The following HECTD2 variants were observed in gnomAD, a reference collection of about 807,000 sequenced individuals.
HECTD2 encodes the protein HECT domain E3 ubiquitin protein ligase 2.
In HECTD2, 35 loss-of-function variants were observed where a neutral mutation model predicts 103.2. The ratio of observed to expected loss-of-function variants is 0.34; its 90% confidence interval spans 0.26 to 0.45. The LOEUF (loss-of-function observed/expected upper bound fraction) is 0.45, where lower values mean the gene tolerates loss of function less well. Ranked by LOEUF, HECTD2 falls within the 20% of genes least tolerant of loss-of-function variation. The pLI, the probability that HECTD2 is intolerant of heterozygous loss-of-function variation, is 1.00. For synonymous variants in HECTD2, 281 were observed against 329.9 expected, an observed-to-expected ratio of 0.85 and a Z score of 1.61; for missense variants, 596 against 937.4, an observed-to-expected ratio of 0.64 and a Z score of 4.76.
intron 20 of HECTD2, among the ~76,000 whole-genome samples, chr10:91,509,048 C>A (rs7074559): frequency 1.4e-5 from 2 of 147,902 alleles, no homozygotes; most frequent in Non-Finnish European, 3.0e-5. Flanking sequence ...ACCGCATATT[C>A]TCACTCATAG....
At chr10:91,462,252 A>G in intron 5 of HECTD2, 68 bp downstream of exon 5, 2 of 1,437,314 alleles carry the variant, frequency 1.4e-6, no homozygotes, top group South Asian at 3.0e-5. Context: ...AGCCATACAA[A>G]TATTGTAAAA....
At chr10:91,492,546 C>A in intron 13 of HECTD2, 62 bp downstream of exon 13, 2 of 1,256,366 alleles carry the variant, frequency 1.6e-6, no homozygotes, top group South Asian at 2.6e-5. Flanking sequence ...GTGAAGTAGT[C>A]ACCCTTATTT....
chr10:91,413,765 G>C (rs1358587629), intron 1 of HECTD2, among the ~76,000 whole-genome samples: 2 of 152,194 alleles, frequency 1.3e-5, no homozygotes, highest in East Asian at 3.8e-4. Flanking sequence ...AATCAGGCGT[G>C]GTGGGGAATT....
At chr10:91,481,187 C>T (rs1846075454) in intron 7 of HECTD2, 48 bp downstream of exon 7, 3 of 924,214 alleles carry the variant, frequency 3.2e-6, no homozygotes, top group Admixed American at 2.4e-5. Context: ...AGATCTCAAT[C>T]CCTACATGTG....
chr10:91,482,108 G>A (rs1031337873), intron 7 of HECTD2, among the ~76,000 whole-genome samples: 1 of 151,826 alleles, frequency 6.6e-6, no homozygotes, highest in Non-Finnish European at 1.5e-5. Context: ...GATTTTAGGT[G>A]AGTATATTGG....
At chr10:91,427,723 A>C (rs2133045770) in intron 2 of HECTD2, among the ~76,000 whole-genome samples, 1 of 151,858 alleles carries the variant, frequency 6.6e-6, no homozygotes, top group African/African-American at 2.4e-5. Context: ...AATTTGTTTG[A>C]GTTCATTGTA....
At chr10:91,453,373 G>C (rs888506115) in intron 2 of HECTD2, among the ~76,000 whole-genome samples, 2 of 152,150 alleles carry the variant, frequency 1.3e-5, no homozygotes, top group Admixed American at 1.3e-4. Flanking sequence ...TGAGGCTGCA[G>C]TTAGCTATGG....
chr10:91,414,435 A>G (rs945575508), intron 1 of HECTD2, among the ~76,000 whole-genome samples: 3 of 152,350 alleles, frequency 2.0e-5, no homozygotes, highest in African/African-American at 7.2e-5. Context: ...GTAACTACCA[A>G]TTATTGAACA....
intron 1 of HECTD2, among the ~76,000 whole-genome samples, chr10:91,418,230 G>A (rs1403657296): frequency 1.3e-5 from 2 of 151,926 alleles, no homozygotes; most frequent in Non-Finnish European, 2.9e-5. Context: ...AATTTTGACT[G>A]GATCAAATTG....
At chr10:91,506,797 C>G (rs1486594558) in intron 20 of HECTD2, among the ~76,000 whole-genome samples, 2 of 151,730 alleles carry the variant, frequency 1.3e-5, no homozygotes, top group Non-Finnish European at 2.9e-5. Context: ...ATTCTGATAC[C>G]AAAGCCGGGC....
At chr10:91,502,427 G>C (rs1274591901) in intron 20 of HECTD2, among the ~76,000 whole-genome samples, 1 of 152,286 alleles carries the variant, frequency 6.6e-6, no homozygotes, top group South Asian at 2.1e-4. Flanking sequence ...TCTTGTAGAA[G>C]TTATGTGCTA....
At chr10:91,419,740 G>A (rs1314620490) in intron 1 of HECTD2, among the ~76,000 whole-genome samples, 1 of 151,996 alleles carries the variant, frequency 6.6e-6, no homozygotes, top group Non-Finnish European at 1.5e-5. Context: ...TTTTCCCTGT[G>A]TTCTCTATTT....
chr10:91,454,683 T>G (rs1445328219), intron 2 of HECTD2, among the ~76,000 whole-genome samples: 1 of 152,084 alleles, frequency 6.6e-6, no homozygotes, highest in Admixed American at 6.6e-5. Context: ...ACTCGTCATT[T>G]ACATTAGGTA....
intron 5 of HECTD2, among the ~76,000 whole-genome samples, chr10:91,472,052 C>T (rs1663770863): frequency 1.3e-5 from 2 of 152,160 alleles, no homozygotes. Flanking sequence ...CATTACCTGG[C>T]TTCAAACTAT....
chr10:91,499,022 G>T, intron 17 of HECTD2, 22 bp from the exon 18 acceptor site: 1 of 1,561,828 alleles, frequency 6.4e-7, no homozygotes, highest in Non-Finnish European at 8.8e-7. Flanking sequence ...TACTATTTAA[G>T]AGATGTAAAA....
intron 6 of HECTD2, among the ~76,000 whole-genome samples, chr10:91,479,177 T>G (rs898120758): frequency 6.6e-6 from 1 of 152,172 alleles, no homozygotes; most frequent in Non-Finnish European, 1.5e-5. Flanking sequence ...ATCATGCCAC[T>G]GCACTCCAGC....
intron 2 of HECTD2, among the ~76,000 whole-genome samples, chr10:91,440,210 C>T (rs375802162): frequency 3.9e-4 from 60 of 152,098 alleles, no homozygotes; most frequent in South Asian, 3.7e-3. Flanking sequence ...ATATTAGCTG[C>T]GGCTTTGTCA....
intron 11 of HECTD2, chr10:91,489,633 A>T (rs1473270422): frequency 3.3e-5 from 5 of 152,190 alleles, no homozygotes; most frequent in Non-Finnish European, 7.4e-5. Context: ...TAGACTGGGA[A>T]CAGAAGATAG....
chr10:91,467,313 G>T (rs1390064047), intron 5 of HECTD2, among the ~76,000 whole-genome samples: 1 of 152,118 alleles, frequency 6.6e-6, no homozygotes, highest in African/African-American at 2.4e-5. Flanking sequence ...CAGATGGTTT[G>T]GTATGGGAAC....
Sources: gnomAD v4.1 joint callset for allele counts (sites outside exome capture counted in the v4.1 genomes callset) on GRCh38, gnomAD v4.1.1 for gene constraint, MANE v1.5 for transcripts, NCBI Gene and HGNC (gene_info 2026-07-23, HGNC 2026-07-21) for gene names.